The following ADGRB3 variants were observed in gnomAD, a reference collection of about 807,000 sequenced individuals.
ADGRB3 encodes the protein brain-specific angiogenesis inhibitor 3.
ADGRB3 carries 37 observed loss-of-function variants against 193.4 expected under a neutral mutation model. That is an observed-to-expected ratio of 0.19 (90% CI 0.15 to 0.25). The LOEUF (loss-of-function observed/expected upper bound fraction) is 0.25. Among genes scored for constraint, ADGRB3 ranks in the 10% least tolerant of loss-of-function variants. ADGRB3 has a pLI of 1.00. For synonymous variants in ADGRB3, 690 were observed against 644.2 expected (o/e 1.07, Z -1.08); for missense variants, 1,637 against 1,852.9 (o/e 0.88, Z 2.14).
chr6:69,029,782 A>G (rs1019114071), intron 13 of ADGRB3, among the ~76,000 whole-genome samples: 4 of 152,128 alleles, frequency 2.6e-5, no homozygotes, highest in African/African-American at 9.7e-5. Flanking sequence ...AACTTCAAAA[A>G]TTAAGATTTC....
At chr6:68,705,299 C>A (rs972641443) in intron 3 of ADGRB3, among the ~76,000 whole-genome samples, 11 of 151,868 alleles carry the variant, frequency 7.2e-5, no homozygotes, top group Non-Finnish European at 1.5e-4. Flanking sequence ...TTCTCCAGTG[C>A]TTATCCATTG....
chr6:69,036,820 A>G (rs1770885878), intron 13 of ADGRB3, among the ~76,000 whole-genome samples: 1 of 152,220 alleles, frequency 6.6e-6, no homozygotes, highest in African/African-American at 2.4e-5. Flanking sequence ...GAGCCAAGCC[A>G]TGCAGAGCTT....
At chr6:68,652,141 TCTCAG>T (rs1380337005) in intron 3 of ADGRB3, among the ~76,000 whole-genome samples, 1 of 152,142 alleles carries the variant, frequency 6.6e-6, no homozygotes, top group African/African-American at 2.4e-5. Context: ...CTATGGTGCT[TCTCAG>T]GTATCTTCAA....
intron 3 of ADGRB3, among the ~76,000 whole-genome samples, chr6:68,704,382 C>T (rs1765291255): frequency 6.6e-6 from 1 of 152,186 alleles, no homozygotes; most frequent in Admixed American, 6.5e-5. Context: ...GAACAGCATG[C>T]TCTGGGAAGC....
chr6:68,896,055 C>CT (rs1351108548), intron 3 of ADGRB3, among the ~76,000 whole-genome samples: 1 of 152,026 alleles, frequency 6.6e-6, no homozygotes, highest in African/African-American at 2.4e-5. Context: ...TTAGCAATCA[C>CT]TTTTTGTGCT....
chr6:68,647,046 C>T (rs1768233088), intron 3 of ADGRB3, among the ~76,000 whole-genome samples: 1 of 152,002 alleles, frequency 6.6e-6, no homozygotes. Flanking sequence ...TATGAATGAA[C>T]AAAGCAAAAT....
chr6:68,860,767 G>A (rs913039138), intron 3 of ADGRB3, among the ~76,000 whole-genome samples: 2 of 152,158 alleles, frequency 1.3e-5, no homozygotes, highest in African/African-American at 4.8e-5. Context: ...ACCCAGCAGT[G>A]GGATTCCTGG....
chr6:68,933,295 TA>T (rs1232879490), intron 4 of ADGRB3, among the ~76,000 whole-genome samples: 2 of 152,138 alleles, frequency 1.3e-5, no homozygotes, highest in African/African-American at 4.8e-5. Flanking sequence ...TCTAAAATTT[TA>T]AAAAATAAAA....
intron 3 of ADGRB3, among the ~76,000 whole-genome samples, chr6:68,702,203 C>T (rs545709617): frequency 2.0e-4 from 25 of 123,082 alleles, no homozygotes; most frequent in Admixed American, 1.4e-3. Context: ...AGAACAGGAG[C>T]GAGAAAGAGA....
intron 31 of ADGRB3, among the ~76,000 whole-genome samples, chr6:69,387,017 G>T (rs576289788): frequency 6.6e-6 from 1 of 151,800 alleles, no homozygotes; most frequent in East Asian, 1.9e-4. Flanking sequence ...TTTTATTTTT[G>T]CAACCCCATA....
At chr6:69,073,152 A>G (rs1292529476) in intron 16 of ADGRB3, among the ~76,000 whole-genome samples, 3 of 152,180 alleles carry the variant, frequency 2.0e-5, no homozygotes, top group Non-Finnish European at 4.4e-5. Flanking sequence ...TATGTTCCTC[A>G]TCTACTTCTA....
intron 20 of ADGRB3, among the ~76,000 whole-genome samples, chr6:69,259,653 G>A (rs1343958504): frequency 3.0e-5 from 4 of 134,964 alleles, no homozygotes; most frequent in African/African-American, 5.8e-5. Context: ...CCGAGATGGC[G>A]CCACTGCACT....
chr6:69,312,658 A>G (rs1768219260), intron 20 of ADGRB3, among the ~76,000 whole-genome samples: 1 of 151,692 alleles, frequency 6.6e-6, no homozygotes, highest in Non-Finnish European at 1.5e-5. Context: ...TTCTTCCTGC[A>G]CCCCACCATG....
At chr6:69,155,969 A>G (rs1774827790) in intron 17 of ADGRB3, among the ~76,000 whole-genome samples, 1 of 152,082 alleles carries the variant, frequency 6.6e-6, no homozygotes, top group South Asian at 2.1e-4. Context: ...TATATATATT[A>G]AATGAAAGTT....
At chr6:68,769,903 A>T (rs1766582931) in intron 3 of ADGRB3, among the ~76,000 whole-genome samples, 2 of 152,254 alleles carry the variant, frequency 1.3e-5, no homozygotes, top group South Asian at 4.1e-4. Context: ...TTGAGGATTT[A>T]ACACTGATGA....
intron 17 of ADGRB3, among the ~76,000 whole-genome samples, chr6:69,207,764 C>T (rs148658373): frequency 3.9e-5 from 6 of 152,286 alleles, no homozygotes; most frequent in African/African-American, 7.2e-5. Flanking sequence ...ATTCCATGAG[C>T]GTGAGCCTGT....
intron 17 of ADGRB3, among the ~76,000 whole-genome samples, chr6:69,202,755 G>A (rs1765455161): frequency 6.6e-6 from 1 of 152,086 alleles, no homozygotes; most frequent in South Asian, 2.1e-4. Flanking sequence ...AGAACAGAGG[G>A]CATTTGAGAA....
At chr6:68,989,595 C>A (rs1769174786) in intron 10 of ADGRB3, among the ~76,000 whole-genome samples, 1 of 152,094 alleles carries the variant, frequency 6.6e-6, no homozygotes, top group Non-Finnish European at 1.5e-5. Flanking sequence ...ATTAACCCAT[C>A]ATAATAACAA....
At chr6:68,984,449 A>G (rs1432275241) in intron 10 of ADGRB3, among the ~76,000 whole-genome samples, 1 of 152,164 alleles carries the variant, frequency 6.6e-6, no homozygotes, top group Non-Finnish European at 1.5e-5. Context: ...TCGGAAACTC[A>G]GATTCTAATT....
Sources: gnomAD v4.1 joint callset for allele counts (sites outside exome capture counted in the v4.1 genomes callset) on GRCh38, gnomAD v4.1.1 for gene constraint, MANE v1.5 for transcripts, NCBI Gene and HGNC (gene_info 2026-07-23, HGNC 2026-07-21) for gene names.